The following TTC3 variants were observed in gnomAD, a reference collection of about 807,000 sequenced individuals.
TTC3 encodes the protein E3 ubiquitin-protein ligase TTC3.
TTC3 carries 180 observed loss-of-function variants against 249.6 expected under a neutral mutation model. That is an observed-to-expected ratio of 0.72 (90% CI 0.64 to 0.82). TTC3 has a LOEUF of 0.82. Ranked by LOEUF, TTC3 falls within the 40% of genes least tolerant of loss-of-function variation. The probability of loss-of-function intolerance (pLI) is 0.00; values close to 1 mark genes in which losing one functional copy is unlikely to be tolerated. For synonymous variants in TTC3, 717 were observed against 805.0 expected, an observed-to-expected ratio of 0.89 and a Z score of 1.85; for missense variants, 2,061 against 2,398.4, an observed-to-expected ratio of 0.86 and a Z score of 2.94.
chr21:37,091,684 C>G (rs2073293197), intron 7 of TTC3: 2 of 158,270 alleles, frequency 1.3e-5, no homozygotes, highest in Non-Finnish European at 2.7e-5. Context: ...CGGGTTCACA[C>G]CATTCTCCTG....
chr21:37,073,318 T>TGCG lies in TTC3; in HGVS notation c.-56_-55insGGC, dbSNP rs1569303985. The TGCG allele has an allele frequency of 2.2e-5, 12 of 552,792 alleles. 1 individual carries two copies. Among genetic ancestry groups the TGCG allele is most frequent in the Non-Finnish European group, 2.8e-5 (12 of 435,114 alleles). 34.2% of individuals were successfully genotyped at this position (552,792 alleles called of 1,614,324 possible). ...AGGTGGCGGCGGCGGCGGCGGCGGC[T>TGCG]GCTGCTGCTGCTGCCCGCGTCCGAG... is the stretch of plus-strand genomic sequence containing the variant. On this transcript the variant is annotated 5_prime_UTR_variant, in exon 1 of 46. Coordinates refer to ENST00000355666, the Ensembl canonical transcript of TTC3.
At chr21:37,202,841 A>G (rs2085613989) in exon 46 of TTC3, 4 of 152,138 alleles carry the variant, frequency 2.6e-5, no homozygotes, top group Admixed American at 2.6e-4. Flanking sequence ...GTGAGTTCTG[A>G]TGTCTTAGTG....
At chr21:37,147,963 G>A (rs373594145) in intron 22 of TTC3, among the ~76,000 whole-genome samples, 5 of 152,144 alleles carry the variant, frequency 3.3e-5, no homozygotes, top group East Asian at 1.9e-4. Flanking sequence ...TCTTGACTTC[G>A]TGATCCACCC....
chr21:37,090,486 A>G (rs1203543974), intron 6 of TTC3, 200 bp downstream of exon 6: 1 of 689,064 alleles, frequency 1.5e-6, no homozygotes, highest in African/African-American at 2.0e-5. Context: ...TTTTTTACCC[A>G]TGTACATAGT....
chr21:37,158,680 C>T (rs1011738744), intron 28 of TTC3, among the ~76,000 whole-genome samples: 9 of 152,138 alleles, frequency 5.9e-5, no homozygotes, highest in African/African-American at 1.9e-4. Flanking sequence ...CTGAACCCAC[C>T]TATCACATCT....
chr21:37,186,985 A>G (rs754044744), intron 37 of TTC3, 64 bp from the exon 38 acceptor site: 1 of 1,016,478 alleles, frequency 9.8e-7, no homozygotes, highest in Non-Finnish European at 1.4e-6. Context: ...CCAGCCTGAA[A>G]CCTTTGTCAT....
At chr21:37,158,305 C>G (rs2148042627) in intron 28 of TTC3, 1 of 693,366 alleles carries the variant, frequency 1.4e-6, no homozygotes, top group Middle Eastern at 7.3e-4. Context: ...TCAGCATACA[C>G]TCGTCCTTTA....
chr21:37,159,675 A>G, intron 28 of TTC3, 24 bp from the exon 29 acceptor site: 1 of 1,610,938 alleles, frequency 6.2e-7, no homozygotes, highest in Non-Finnish European at 8.5e-7. Flanking sequence ...GTTTTCTCAC[A>G]AAACCATCTG....
rs2080682582 is a variant in TTC3, at chr21:37,160,982, A to G, written c.3096+124A>G. ...CATTTGTAGAGAAAGACTTTCTAGG[A>G]CTTAAAGATGTTTTGGCAGTCTTCT... is the stretch of plus-strand genomic sequence containing the variant. On this transcript the variant is annotated intron_variant, in intron 30 of 45. Coordinates refer to ENST00000355666, the Ensembl canonical transcript of TTC3. 2.2e-5 allele frequency: 21 copies of G among 949,374 alleles called. No homozygotes were observed. In the South Asian group the frequency reaches 4.1e-4, roughly 19 times the overall value. 58.8% of individuals were successfully genotyped at this position (949,374 alleles called of 1,614,324 possible). A position where few individuals can be genotyped will look rare whatever the true frequency, so the allele number is the denominator to read the frequency against.
chr21:37,090,332 G>C (rs2147682200), intron 6 of TTC3, 46 bp downstream of exon 6: 3 of 1,492,826 alleles, frequency 2.0e-6, no homozygotes, highest in East Asian at 4.5e-5. Context: ...TGGATGAGTG[G>C]CAGTCATCTC....
At chr21:37,100,171 A>C (rs909666503) in intron 10 of TTC3, among the ~76,000 whole-genome samples, 2 of 152,178 alleles carry the variant, frequency 1.3e-5, no homozygotes, top group African/African-American at 2.4e-5. Flanking sequence ...GTGGGTGTCA[A>C]CTGTAACAAA....
chr21:37,086,975 T>G, intron 1 of TTC3: 1 of 363,904 alleles, frequency 2.7e-6, no homozygotes, highest in East Asian at 5.0e-5. Flanking sequence ...TGATCCTCTA[T>G]TTAAAGGAGA....
intron 11 of TTC3, among the ~76,000 whole-genome samples, chr21:37,113,366 A>T (rs1337517990): frequency 6.6e-6 from 1 of 152,248 alleles, no homozygotes; most frequent in Non-Finnish European, 1.5e-5. Context: ...TCAATGTGCA[A>T]AAATCACAAG....
intron 34 of TTC3, among the ~76,000 whole-genome samples, chr21:37,170,938 A>G (rs1190023798): frequency 6.6e-6 from 1 of 152,220 alleles, no homozygotes; most frequent in Non-Finnish European, 1.5e-5. Flanking sequence ...ATCACAGCAT[A>G]TATATTTTAT....
intron 11 of TTC3, among the ~76,000 whole-genome samples, chr21:37,109,264 A>G (rs1315402980): frequency 6.6e-6 from 1 of 152,194 alleles, no homozygotes; most frequent in Non-Finnish European, 1.5e-5. Flanking sequence ...AGGGTGAGGC[A>G]TGGCCTCACC....
chr21:37,092,682 A>G (rs1216796991), intron 7 of TTC3, among the ~76,000 whole-genome samples: 1 of 152,144 alleles, frequency 6.6e-6, no homozygotes, highest in Non-Finnish European at 1.5e-5. Context: ...TCTGTCCCTT[A>G]GAATTTCTTT....
chr21:37,144,101 G>T (rs2078759741), intron 20 of TTC3, among the ~76,000 whole-genome samples: 1 of 151,832 alleles, frequency 6.6e-6, no homozygotes, highest in Non-Finnish European at 1.5e-5. Context: ...TGTGAGGTGG[G>T]GGGAGGGGAG....
chr21:37,075,203 T>C lies in TTC3; in HGVS notation c.-12+1839T>C, dbSNP rs2070677287. 2.0e-5 allele frequency among the ~76,000 whole-genome samples: 3 copies of C among 152,270 alleles called. No individual in the cohort carries two copies. The South Asian group carries it at 6.2e-4, about 32-fold the overall frequency. Reference sequence around the variant, plus strand: ...TTGCTCAGCATCATATTTTGAGGTTTATATATGAACAAATTGAATGATTGT... The same window carrying C: ...TTGCTCAGCATCATATTTTGAGGTTCATATATGAACAAATTGAATGATTGT... On this transcript the variant is annotated intron_variant, in intron 1 of 45. Transcript: ENST00000355666.
At chr21:37,192,338 C>G in intron 41 of TTC3, 125 bp downstream of exon 41, 1 of 600,830 alleles carries the variant, frequency 1.7e-6, no homozygotes. Flanking sequence ...CTTAATGTTT[C>G]ATTATTGGTG....
Sources: gnomAD v4.1 joint callset for allele counts (sites outside exome capture counted in the v4.1 genomes callset) on GRCh38, gnomAD v4.1.1 for gene constraint, MANE v1.5 for transcripts, NCBI Gene and HGNC (gene_info 2026-07-23, HGNC 2026-07-21) for gene names.